TG: variants seen among roughly 807,000 people sequenced by gnomAD.
TG encodes thyroid hormones.
A neutral mutation model predicts 324.7 loss-of-function variants in TG; 270 were observed. The ratio of observed to expected loss-of-function variants is 0.83; its 90% CI spans 0.75 to 0.92. The LOEUF (loss-of-function observed/expected upper bound fraction) is 0.92. Among genes scored for constraint, TG ranks in the 40% least tolerant of loss-of-function variants. The pLI is 0.00. For synonymous variants in TG, 1,401 were observed against 1,327.0 expected (o/e 1.06, Z -1.21); for missense variants, 3,591 against 3,456.4 (o/e 1.04, Z -0.98).
intron 43 of TG, chr8:133,102,591 G>A (rs574604501): frequency 2.0e-5 from 31 of 1,550,144 alleles, no homozygotes; most frequent in East Asian, 2.0e-4. Context: ...TTCTCCATTC[G>A]CAGCAAATGA....
chr8:132,941,501 A>G lies in TG; in HGVS notation c.5192A>G (p.Asp1731Gly), dbSNP rs115269259. Residue 1731 changes from aspartate to glycine, a missense_variant, in exon 26 of 48, where the codon GAT (aspartate) becomes GGT (glycine). Physicochemically the swap from Asp to Gly is moderately conservative, Grantham distance 94 (BLOSUM62 -1). Coordinates refer to ENST00000220616, the MANE Select transcript of TG (RefSeq NM_003235.5). ...HLFCLLACDR[D>G]LCCDGFVLTQ... Reference sequence around the variant, plus strand: ...TTCTGTCTTCTTGCATGCGACCGTGATCTGTGTTGCGATGGCTTCGTCCTC... The same window carrying G: ...TTCTGTCTTCTTGCATGCGACCGTGGTCTGTGTTGCGATGGCTTCGTCCTC... The G allele has an allele frequency of 9.9e-6, 16 of 1,614,022 alleles. No individual in the cohort carries two copies. The highest frequency in any genetic ancestry group is 1.4e-5 in the Non-Finnish European group (16 of 1,180,050).
At chr8:132,940,395 A>G (rs906168559) in intron 25 of TG, among the ~76,000 whole-genome samples, 1 of 152,248 alleles carries the variant, frequency 6.6e-6, no homozygotes, top group Non-Finnish European at 1.5e-5. Context: ...TCATGTTTGC[A>G]AAGTGACACT....
At chr8:133,009,997 A>C (rs1240871352) in intron 35 of TG, among the ~76,000 whole-genome samples, 1 of 152,164 alleles carries the variant, frequency 6.6e-6, no homozygotes, top group Non-Finnish European at 1.5e-5. Context: ...GCTGGTTGTC[A>C]AAGACAGGTT....
intron 41 of TG, among the ~76,000 whole-genome samples, chr8:133,074,419 A>G (rs568373643): frequency 3.2e-4 from 48 of 152,212 alleles, no homozygotes; most frequent in Admixed American, 7.2e-4. Context: ...GCATATGTCA[A>G]TTTCTTCACT....
Position 132,888,148 on chromosome 8 carries a change from G to A in TG, c.2341G>A (p.Val781Ile), listed in dbSNP as rs760209334. 1.2e-6 allele frequency: 2 copies of A among 1,614,100 alleles called. No homozygotes were observed. The highest frequency in any genetic ancestry group is 1.7e-6 in the Non-Finnish European group (2 of 1,180,006). Residue 781 changes from valine (V) to isoleucine (I), a missense_variant, in exon 10 of 48, where the codon GTC becomes ATC. Physicochemically the swap from Val to Ile is conservative, Grantham distance 29. Transcript: ENST00000220616. The part of the protein sequence containing the change: ...QVQCNGPPEQ[V>I]FELYQRWEAQ... ...GCAATGCAATGGGCCTCCTGAGCAG[G>A]TCTTCGAGTTGTACCAACGATGGGA...
At chr8:132,897,925 C>T (rs1006492475) in intron 12 of TG, 139 bp downstream of exon 12, 63 of 1,101,546 alleles carry the variant, frequency 5.7e-5, no homozygotes, top group African/African-American at 3.6e-4. Flanking sequence ...CTTAGCTTCT[C>T]GGGCCTCCAG....
rs1817960656 is a variant in TG at position 132,901,728 on chromosome 8, A to G, written c.3634+175A>G. Reference sequence around the variant, plus strand: ...GTGAAAACTTACATCTACTTCCTGAAGACGCTCCTGCTGGGAACTGAAGTC... The same window carrying G: ...GTGAAAACTTACATCTACTTCCTGAGGACGCTCCTGCTGGGAACTGAAGTC... On this transcript the variant is annotated intron_variant, in intron 16 of 47. Transcript: ENST00000220616. 2.0e-5 allele frequency among the ~76,000 whole-genome samples: 3 copies of G among 152,118 alleles called. No individual in the cohort carries two copies. In the South Asian group the frequency reaches 6.2e-4, roughly 32 times the overall value.
intron 35 of TG, chr8:133,002,466 G>A: frequency 2.1e-6 from 2 of 942,968 alleles, no homozygotes; most frequent in Non-Finnish European, 2.5e-6. Flanking sequence ...AATCTGAATA[G>A]CAAATACATT....
intron 41 of TG, chr8:133,063,518 A>AT (rs1842680231): frequency 6.6e-6 from 1 of 150,916 alleles, no homozygotes; most frequent in Non-Finnish European, 1.5e-5. Context: ...AAAAAAAAAA[A>AT]GCCTTTAAAC....
At chr8:132,937,296 A>C (rs1823749111) in intron 25 of TG, among the ~76,000 whole-genome samples, 2 of 152,146 alleles carry the variant, frequency 1.3e-5, no homozygotes, top group Admixed American at 1.3e-4. Context: ...GAAAATCAGC[A>C]AGTGGAGACG....
chr8:132,967,359 C>T (rs2130460116), intron 30 of TG, among the ~76,000 whole-genome samples: 1 of 152,318 alleles, frequency 6.6e-6, no homozygotes, highest in Middle Eastern at 3.4e-3. Flanking sequence ...CAACCATGTT[C>T]CTTGCCCTTG....
rs761537248 is a variant in TG at position 132,963,084 on chromosome 8, C to G, written c.5548+10C>G. On this transcript the variant is annotated intron_variant, in intron 29 of 47. Coordinates refer to ENST00000220616, the MANE Select transcript of TG (RefSeq NM_003235.5). ...TCTCCAACAGAAGCAGGTACTGACC[C>G]CCAAACCTTCTTACACACTTGGGTG... 6.2e-7 allele frequency: 1 copy of G among 1,613,824 alleles called. No homozygotes were observed. Among genetic ancestry groups the G allele is most frequent in the Non-Finnish European group, 8.5e-7 (1 of 1,179,752 alleles).
At chr8:132,943,960 C>T (rs2129971932) in intron 26 of TG, among the ~76,000 whole-genome samples, 1 of 152,338 alleles carries the variant, frequency 6.6e-6, no homozygotes, top group South Asian at 2.1e-4. Context: ...CCACCTCCAC[C>T]TCTTGTGGGT....
intron 47 of TG, among the ~76,000 whole-genome samples, chr8:133,134,351 G>T (rs1362669195): frequency 2.0e-5 from 3 of 152,146 alleles, no homozygotes; most frequent in Non-Finnish European, 4.4e-5. Flanking sequence ...AATGACAGGA[G>T]TTTTTCAGAT....
intron 35 of TG, among the ~76,000 whole-genome samples, chr8:132,986,024 C>T (rs1258382114): frequency 6.6e-6 from 1 of 151,992 alleles, no homozygotes; most frequent in Non-Finnish European, 1.5e-5. Flanking sequence ...AACTTTTTAA[C>T]GTTTAATGAA....
At chr8:132,906,930 C>A (rs201394191) in intron 17 of TG, 30 bp downstream of exon 17, 3 of 1,585,042 alleles carry the variant, frequency 1.9e-6, no homozygotes, top group South Asian at 1.1e-5. Context: ...CTATCCTGCA[C>A]CCCGCTCCCT....
chr8:133,006,425 A>G (rs945979263), intron 35 of TG, among the ~76,000 whole-genome samples: 1 of 152,254 alleles, frequency 6.6e-6, no homozygotes, highest in African/African-American at 2.4e-5. Context: ...TCTCAAGAGA[A>G]TCTGATGCTC....
chr8:132,922,934 T>C (rs991295521), intron 21 of TG, among the ~76,000 whole-genome samples: 4 of 152,100 alleles, frequency 2.6e-5, no homozygotes, highest in Non-Finnish European at 5.9e-5. Context: ...ATTTAGACCA[T>C]AGTAGGAAGG....
chr8:133,104,762 C>T (rs1286465956), intron 43 of TG, among the ~76,000 whole-genome samples: 1 of 152,050 alleles, frequency 6.6e-6, no homozygotes. Context: ...TTGGAATAGG[C>T]TGGGGGAAGA....
Sources: allele counts gnomAD v4.1 joint callset (sites outside exome capture counted in the v4.1 genomes callset), GRCh38; gene constraint gnomAD v4.1.1; transcripts MANE v1.5; gene names NCBI Gene and HGNC (gene_info 2026-07-23, HGNC 2026-07-21).